The following ASAP1 variants were observed in gnomAD, a reference collection of about 807,000 sequenced individuals.
ASAP1 encodes the protein arf-GAP with SH3 domain, ANK repeat and PH domain-containing protein 1.
A neutral mutation model predicts 145.2 loss-of-function variants in ASAP1; 43 were observed. The ratio of observed to expected loss-of-function variants is 0.30; its 90% CI spans 0.23 to 0.38. The LOEUF (loss-of-function observed/expected upper bound fraction) is 0.38, where lower values mean the gene tolerates loss of function less well. Among genes scored for constraint, ASAP1 ranks in the 10% least tolerant of loss-of-function variants. The pLI, the probability that ASAP1 is intolerant of heterozygous loss-of-function variation, is 1.00. For missense variants in ASAP1, 1,018 were observed against 1,355.3 expected (o/e 0.75, Z 3.91); for synonymous variants, 546 against 515.5 (o/e 1.06, Z -0.80).
At chr8:130,345,163 A>C (rs1825632677) in intron 3 of ASAP1, among the ~76,000 whole-genome samples, 1 of 152,168 alleles carries the variant, frequency 6.6e-6, no homozygotes. Flanking sequence ...ACGAAATGAG[A>C]ATATATTATA....
chr8:130,140,998 T>C (rs1175691139), intron 13 of ASAP1, among the ~76,000 whole-genome samples: 2 of 152,234 alleles, frequency 1.3e-5, no homozygotes, highest in African/African-American at 4.8e-5. Flanking sequence ...AAGCACTTTC[T>C]TGACATTTAG....
intron 2 of ASAP1, among the ~76,000 whole-genome samples, chr8:130,376,227 G>A (rs1379110516): frequency 6.6e-6 from 1 of 152,192 alleles, no homozygotes; most frequent in African/African-American, 2.4e-5. Context: ...TCACAAGGCT[G>A]GGCTGGGTGC....
At chr8:130,278,282 C>A (rs1484694745) in intron 3 of ASAP1, among the ~76,000 whole-genome samples, 1 of 151,842 alleles carries the variant, frequency 6.6e-6, no homozygotes, top group African/African-American at 2.4e-5. Flanking sequence ...TGGACACGAC[C>A]AACCACAGAA....
intron 3 of ASAP1, among the ~76,000 whole-genome samples, chr8:130,274,911 G>A (rs1343405980): frequency 6.6e-6 from 1 of 152,122 alleles, no homozygotes; most frequent in Non-Finnish European, 1.5e-5. Context: ...ACCTCTCTTC[G>A]CTTTTCCTCA....
chr8:130,090,115 G>GA (rs1214462365), intron 25 of ASAP1, among the ~76,000 whole-genome samples: 3 of 152,224 alleles, frequency 2.0e-5, no homozygotes, highest in African/African-American at 7.2e-5. Context: ...ACAATGGGGG[G>GA]AAAAACGGCC....
At chr8:130,441,192 A>T (rs72726232) in intron 1 of ASAP1, among the ~76,000 whole-genome samples, 5,277 of 152,348 alleles carry the variant, frequency 0.035, 124 homozygotes, top group Middle Eastern at 0.082. Flanking sequence ...CACCTCCCAC[A>T]GGGAAGCCAC....
intron 3 of ASAP1, among the ~76,000 whole-genome samples, chr8:130,330,755 T>C (rs1458279717): frequency 6.6e-6 from 1 of 152,230 alleles, no homozygotes; most frequent in East Asian, 1.9e-4. Flanking sequence ...CAGGGTTCTA[T>C]CATTTATCTT....
At chr8:130,322,195 G>A (rs547490207) in intron 3 of ASAP1, among the ~76,000 whole-genome samples, 1 of 152,110 alleles carries the variant, frequency 6.6e-6, no homozygotes, top group Admixed American at 6.5e-5. Flanking sequence ...CCAAAAGAAG[G>A]CTATGTAGGT....
intron 26 of ASAP1, among the ~76,000 whole-genome samples, chr8:130,077,522 TTGC>T (rs1231539012): frequency 5.0e-4 from 74 of 146,974 alleles, no homozygotes; most frequent in African/African-American, 1.5e-3. Context: ...TAAGAGTTGG[TTGC>T]TGCTGCTGCT....
At chr8:130,381,255 C>T (rs1360331994) in intron 2 of ASAP1, among the ~76,000 whole-genome samples, 1 of 152,138 alleles carries the variant, frequency 6.6e-6, no homozygotes, top group Non-Finnish European at 1.5e-5. Flanking sequence ...TCTTAAACTC[C>T]TGGTCTCAAG....
chr8:130,078,682 G>T (rs904669838), intron 26 of ASAP1, among the ~76,000 whole-genome samples: 9 of 152,120 alleles, frequency 5.9e-5, no homozygotes, highest in South Asian at 4.1e-4. Flanking sequence ...CCCCAAATTA[G>T]GGTTGAAGGA....
intron 25 of ASAP1, among the ~76,000 whole-genome samples, chr8:130,089,613 C>G (rs1472968423): frequency 6.6e-6 from 1 of 152,168 alleles, no homozygotes; most frequent in Non-Finnish European, 1.5e-5. Context: ...TTGGCTTCTA[C>G]AATACAATGT....
intron 5 of ASAP1, among the ~76,000 whole-genome samples, chr8:130,192,529 C>T (rs1359885004): frequency 6.6e-6 from 1 of 152,104 alleles, no homozygotes; most frequent in Non-Finnish European, 1.5e-5. Context: ...TCTTGGAGTA[C>T]AATTCCCTAG....
At chr8:130,091,278 G>A (rs1245978925) in intron 25 of ASAP1, among the ~76,000 whole-genome samples, 1 of 152,214 alleles carries the variant, frequency 6.6e-6, no homozygotes, top group Non-Finnish European at 1.5e-5. Context: ...CTGTGATAAG[G>A]TGTTTGGGGG....
Position 130,188,198 on chromosome 8 carries a change from G to A in ASAP1, c.406-15C>T, listed in dbSNP as rs1187091996. 1.9e-6 allele frequency: 3 copies of A among 1,601,124 alleles called. No homozygotes were observed. Among genetic ancestry groups the A allele is most frequent in the Non-Finnish European group, 2.6e-6 (3 of 1,168,976 alleles). On this transcript the variant is annotated splice_polypyrimidine_tract_variant and intron_variant, in intron 5 of 29. Coordinates refer to ENST00000518721, the MANE Select transcript of ASAP1 (RefSeq NM_018482.4). ...AAACCCTGGAGCTGAAAAAGCAAAG[G>A]GAAGATGGGAGATGGTTAAAAAATA...
chr8:130,199,896 A>G (rs965641295), intron 5 of ASAP1, among the ~76,000 whole-genome samples: 1 of 152,248 alleles, frequency 6.6e-6, no homozygotes, highest in Non-Finnish European at 1.5e-5. Flanking sequence ...GTCCATTCAT[A>G]ATTCTTATAA....
chr8:130,190,939 C>T (rs188193084), intron 5 of ASAP1, among the ~76,000 whole-genome samples: 146 of 152,262 alleles, frequency 9.6e-4, no homozygotes, highest in African/African-American at 3.4e-3. Context: ...AGTACATAAC[C>T]TCGATGGGGA....
intron 1 of ASAP1, among the ~76,000 whole-genome samples, chr8:130,442,658 TTGAGGTCAAGTTAACGA>T (rs1389919455): frequency 5.9e-5 from 9 of 151,990 alleles, no homozygotes; most frequent in African/African-American, 9.7e-5. Flanking sequence ...ACAGGTAAAG[TTGAGGTCAAGTTAACGA>T]TGATGGTCTG....
chr8:130,194,478 T>C (rs1295462674), intron 5 of ASAP1, among the ~76,000 whole-genome samples: 1 of 152,300 alleles, frequency 6.6e-6, no homozygotes, highest in South Asian at 2.1e-4. Context: ...ATGGAGTATA[T>C]GACTTCACAG....
Sources: gnomAD v4.1 joint callset for allele counts (sites outside exome capture counted in the v4.1 genomes callset) on GRCh38, gnomAD v4.1.1 for gene constraint, MANE v1.5 for transcripts, NCBI Gene and HGNC (gene_info 2026-07-23, HGNC 2026-07-21) for gene names.